GRIK1: variants seen among roughly 807,000 people sequenced by gnomAD.
The protein encoded by GRIK1 is glutamate ionotropic receptor kainate type subunit 1.
Under a neutral mutation model 105.7 loss-of-function variants are expected in GRIK1, and 69 were observed. That is an observed-to-expected ratio of 0.65 (90% CI 0.54 to 0.80). The LOEUF is 0.80. Ranked by LOEUF, GRIK1 falls within the 30% of genes least tolerant of loss-of-function variation. The probability of loss-of-function intolerance (pLI) is 0.00; values close to 1 mark genes in which losing one functional copy is unlikely to be tolerated. For missense variants in GRIK1, 1,109 were observed against 1,167.3 expected, an observed-to-expected ratio of 0.95 and a Z score of 0.73; for synonymous variants, 438 against 431.3, an observed-to-expected ratio of 1.02 and a Z score of -0.19.
chr21:29,630,433 T>G, intron 7 of GRIK1: 2 of 451,500 alleles, frequency 4.4e-6, no homozygotes, highest in Non-Finnish European at 9.1e-6. Flanking sequence ...GACTTTGACT[T>G]AATAAAAAGT....
At chr21:29,929,199 G>A (rs936559721) in intron 1 of GRIK1, among the ~76,000 whole-genome samples, 2 of 152,146 alleles carry the variant, frequency 1.3e-5, no homozygotes, top group Admixed American at 1.3e-4. Context: ...GATTTACTAG[G>A]AGGTTATGTG....
At chr21:29,927,914 A>G (rs751665867) in intron 1 of GRIK1, among the ~76,000 whole-genome samples, 1 of 152,104 alleles carries the variant, frequency 6.6e-6, no homozygotes, top group Non-Finnish European at 1.5e-5. Context: ...ATACATATAC[A>G]CACACATATA....
chr21:29,546,343 T>C (rs1184095635), intron 16 of GRIK1, among the ~76,000 whole-genome samples: 1 of 152,238 alleles, frequency 6.6e-6, no homozygotes, highest in Non-Finnish European at 1.5e-5. Flanking sequence ...GCCTACACGC[T>C]GTTATTCTGC....
At chr21:29,807,655 A>C (rs2066902003) in intron 1 of GRIK1, among the ~76,000 whole-genome samples, 3 of 152,182 alleles carry the variant, frequency 2.0e-5, no homozygotes, top group Admixed American at 1.3e-4. Context: ...GCAACAAAGC[A>C]GAAAATTCAA....
At chr21:29,877,714 G>T (rs2069242010) in intron 1 of GRIK1, among the ~76,000 whole-genome samples, 1 of 152,148 alleles carries the variant, frequency 6.6e-6, no homozygotes, top group South Asian at 2.1e-4. Context: ...GGAGTAAATA[G>T]TATTCAATCT....
intron 3 of GRIK1, among the ~76,000 whole-genome samples, chr21:29,678,856 A>C (rs940635408): frequency 6.6e-6 from 1 of 152,180 alleles, no homozygotes; most frequent in Non-Finnish European, 1.5e-5. Flanking sequence ...CACATCTTGC[A>C]TTTTAGCTTG....
chr21:29,596,979 C>G (rs1367293782), intron 8 of GRIK1, among the ~76,000 whole-genome samples: 1 of 152,160 alleles, frequency 6.6e-6, no homozygotes, highest in Non-Finnish European at 1.5e-5. Context: ...CAAACACACA[C>G]ACACACAGAC....
chr21:29,866,985 A>G (rs1384718556), intron 1 of GRIK1, among the ~76,000 whole-genome samples: 1 of 152,202 alleles, frequency 6.6e-6, no homozygotes, highest in African/African-American at 2.4e-5. Context: ...ATTTGTTTGA[A>G]CCCAGTGGAT....
intron 1 of GRIK1, among the ~76,000 whole-genome samples, chr21:29,861,246 C>T (rs182902815): frequency 1.3e-4 from 20 of 152,292 alleles, no homozygotes; most frequent in Admixed American, 8.5e-4. Context: ...CGTTCCCAAT[C>T]TTATGGGGAA....
intron 1 of GRIK1, among the ~76,000 whole-genome samples, chr21:29,710,252 A>G (rs147526324): frequency 1.4e-4 from 21 of 152,096 alleles, no homozygotes; most frequent in Middle Eastern, 6.8e-3. Context: ...TTTTCTTTCA[A>G]TATGTTGCTG....
intron 11 of GRIK1, among the ~76,000 whole-genome samples, chr21:29,588,226 A>G (rs1305840841): frequency 6.6e-6 from 1 of 151,932 alleles, no homozygotes; most frequent in African/African-American, 2.4e-5. Flanking sequence ...CGCCTGCCTC[A>G]GACTCCCAAA....
At chr21:29,837,787 T>C (rs2067849472) in intron 1 of GRIK1, among the ~76,000 whole-genome samples, 1 of 152,194 alleles carries the variant, frequency 6.6e-6, no homozygotes, top group Non-Finnish European at 1.5e-5. Context: ...ACAGTGCCAC[T>C]GTTCCACATT....
At chr21:29,654,084 C>T (rs1378784805) in intron 5 of GRIK1, among the ~76,000 whole-genome samples, 1 of 152,244 alleles carries the variant, frequency 6.6e-6, no homozygotes, top group South Asian at 2.1e-4. Flanking sequence ...GATTAGAAAA[C>T]GAGCTTGATT....
At chr21:29,678,811 A>G (rs975499665) in intron 3 of GRIK1, among the ~76,000 whole-genome samples, 1 of 152,184 alleles carries the variant, frequency 6.6e-6, no homozygotes, top group Admixed American at 6.5e-5. Flanking sequence ...ACAGAAGGTG[A>G]AAAGAGTCAC....
intron 1 of GRIK1, among the ~76,000 whole-genome samples, chr21:29,794,272 A>G (rs929698826): frequency 1.3e-5 from 2 of 152,252 alleles, no homozygotes; most frequent in Non-Finnish European, 2.9e-5. Flanking sequence ...AATTTAGTGC[A>G]TAGAAATCAT....
At chr21:29,788,630 C>A (rs937869173) in intron 1 of GRIK1, among the ~76,000 whole-genome samples, 4 of 152,166 alleles carry the variant, frequency 2.6e-5, no homozygotes, top group Non-Finnish European at 5.9e-5. Context: ...CACTTTATTT[C>A]TATTATTATT....
chr21:29,888,151 C>CTTTTT (rs1569191335), intron 1 of GRIK1, among the ~76,000 whole-genome samples: 258 of 66,910 alleles, frequency 3.9e-3, no homozygotes, highest in African/African-American at 0.015. Context: ...CCCTCCCTCC[C>CTTTTT]TCCTTTCTTT....
At position 29,769,681 on chromosome 21, in the gene GRIK1, C is replaced by A. The variant is rs566429447; in HGVS notation, c.119-75618G>T. ...GAGCGGTTCCTAACAGGCCATGGAC[C>A]GGTACCGGTCTATGCCCCTGTGGGA... On this transcript the variant is annotated intron_variant, in intron 1 of 17. Coordinates refer to ENST00000327783, the MANE Select transcript of GRIK1 (RefSeq NM_001330994.2). 7.1e-4 allele frequency among the ~76,000 whole-genome samples: 108 copies of A among 152,186 alleles called. 1 individual carries two copies. The highest frequency in any genetic ancestry group is 2.5e-3 in the East Asian group (13 of 5,160).
intron 1 of GRIK1, among the ~76,000 whole-genome samples, chr21:29,895,788 GC>G (rs910345321): frequency 6.6e-6 from 1 of 152,196 alleles, no homozygotes; most frequent in African/African-American, 2.4e-5. Context: ...TTGCCACTTA[GC>G]TGAATGATCT....
Sources: gnomAD v4.1 joint callset for allele counts (sites outside exome capture counted in the v4.1 genomes callset) on GRCh38, gnomAD v4.1.1 for gene constraint, MANE v1.5 for transcripts, NCBI Gene and HGNC (gene_info 2026-07-23, HGNC 2026-07-21) for gene names.